Variants in MOB3B observed in about 807,000 individuals in gnomAD.
The protein encoded by MOB3B is MOB kinase activator 3B.
A neutral mutation model predicts 18.7 loss-of-function variants in MOB3B; 7 were observed. That is an observed-to-expected ratio of 0.37 (90% CI 0.21 to 0.70). The LOEUF is 0.70. MOB3B is among the 30% of genes least tolerant of loss of function. The pLI is 0.52. For missense variants in MOB3B, 253 were observed against 281.3 expected, an observed-to-expected ratio of 0.90 and a Z score of 0.72; for synonymous variants, 111 against 99.9, an observed-to-expected ratio of 1.11 and a Z score of -0.66.
intron 1 of MOB3B, among the ~76,000 whole-genome samples, chr9:27,517,354 A>G (rs1820251223): frequency 6.6e-6 from 1 of 152,140 alleles, no homozygotes; most frequent in Admixed American, 6.5e-5. Flanking sequence ...ATACAATTCT[A>G]TCAAGAGGTA....
chr9:27,497,306 T>C (rs181138492), intron 1 of MOB3B, among the ~76,000 whole-genome samples: 26 of 152,334 alleles, frequency 1.7e-4, no homozygotes, highest in East Asian at 7.7e-4. Context: ...TGAATGTCTT[T>C]ATCACAACAT....
chr9:27,474,714 T>A (rs1215813555), intron 1 of MOB3B, among the ~76,000 whole-genome samples: 1 of 152,134 alleles, frequency 6.6e-6, no homozygotes, highest in African/African-American at 2.4e-5. Flanking sequence ...AGCTATAGCC[T>A]CTCCTTCTCA....
intron 1 of MOB3B, among the ~76,000 whole-genome samples, chr9:27,475,394 C>A (rs949137352): frequency 6.6e-6 from 1 of 152,232 alleles, no homozygotes; most frequent in Admixed American, 6.5e-5. Context: ...TGTTTTTAAA[C>A]CACTGCATTG....
At position 27,493,989 on chromosome 9, in the gene MOB3B, C is replaced by A. The variant is rs927806794; in HGVS notation, c.-199+35566G>T. Among the ~76,000 whole-genome samples, 60 of 152,286 alleles carry A rather than the reference C, an allele frequency of 3.9e-4. 1 individual carries two copies. The highest frequency in any genetic ancestry group is 1.4e-3 in the African/African-American group (60 of 41,558). On this transcript the variant is annotated intron_variant, in intron 1 of 3. Coordinates refer to ENST00000262244, the MANE Select transcript of MOB3B (RefSeq NM_024761.5). The stretch of plus-strand genomic sequence containing the variant: ...CTGAATTATTTTTCTCAGCATGGAA[C>A]ATCCCTGGGAAAAAGAATACGCACC...
chr9:27,421,071 A>C (rs1587200689), intron 2 of MOB3B: 1 of 152,650 alleles, frequency 6.6e-6, no homozygotes, highest in Non-Finnish European at 1.5e-5. Flanking sequence ...TTCTCCCTAC[A>C]TGGAAGAGCG....
chr9:27,458,969 TA>T (rs1481278237), intron 1 of MOB3B, among the ~76,000 whole-genome samples: 1 of 151,812 alleles, frequency 6.6e-6, no homozygotes, highest in Non-Finnish European at 1.5e-5. Flanking sequence ...CTTTTGAATC[TA>T]AAATGAAGCT....
At chr9:27,447,497 TG>T (rs1459668738) in intron 2 of MOB3B, among the ~76,000 whole-genome samples, 1 of 152,192 alleles carries the variant, frequency 6.6e-6, no homozygotes, top group East Asian at 1.9e-4. Context: ...GGTGCTGAGA[TG>T]TAACAACTTG....
chr9:27,368,842 C>T (rs897881599), intron 2 of MOB3B, among the ~76,000 whole-genome samples: 25 of 152,292 alleles, frequency 1.6e-4, no homozygotes, highest in African/African-American at 5.3e-4. Flanking sequence ...ATGAGTCCAG[C>T]GTGCCTGCTC....
rs747518152 is a variant in MOB3B at position 27,455,558 on chromosome 9, T to C, written c.-8A>G. On this transcript the variant is annotated 5_prime_UTR_variant, in exon 2 of 4. Transcript: ENST00000262244. ...CTTCAGGGCTATGGACATGGTCTTCTCTTTCGCTTCCTTTCTTTTGCAGGA... is the reference window on the plus strand; with the variant it reads ...CTTCAGGGCTATGGACATGGTCTTCCCTTTCGCTTCCTTTCTTTTGCAGGA... 1.9e-6 allele frequency: 3 copies of C among 1,614,036 alleles called. No homozygotes were observed. Among genetic ancestry groups the C allele is most frequent in the Non-Finnish European group, 2.5e-6 (3 of 1,179,982 alleles).
At chr9:27,524,150 TAAAAAAAAA>T (rs3081119) in intron 1 of MOB3B, among the ~76,000 whole-genome samples, 6 of 90,248 alleles carry the variant, frequency 6.6e-5, no homozygotes, top group African/African-American at 2.6e-4. Flanking sequence ...TCACCCGAAG[TAAAAAAAAA>T]AAAAAAAAAA....
At position 27,400,175 on chromosome 9, in the gene MOB3B, C is replaced by G. The variant is rs1175849617; in HGVS notation, c.419-40939G>C. 1.4e-4 allele frequency among the ~76,000 whole-genome samples: 21 copies of G among 152,234 alleles called. 1 individual carries two copies. Among genetic ancestry groups the G allele is most frequent in the Admixed American group, 1.4e-3 (21 of 15,284 alleles). Reference sequence around the variant, plus strand: ...TATTGTTTGGACATTGTCCACAACACAGTTCCTTGACAAATGAGAATGATA... The same window carrying G: ...TATTGTTTGGACATTGTCCACAACAGAGTTCCTTGACAAATGAGAATGATA... On this transcript the variant is annotated intron_variant, in intron 2 of 3. Transcript: ENST00000262244.
At chr9:27,342,369 G>C (rs866376081) in intron 3 of MOB3B, among the ~76,000 whole-genome samples, 1 of 152,178 alleles carries the variant, frequency 6.6e-6, no homozygotes, top group South Asian at 2.1e-4. Context: ...GTAGAAAAAC[G>C]CTTCTAAAAC....
At chr9:27,369,050 G>A (rs929401948) in intron 2 of MOB3B, among the ~76,000 whole-genome samples, 7 of 152,180 alleles carry the variant, frequency 4.6e-5, no homozygotes, top group Admixed American at 6.5e-5. Flanking sequence ...ACCCTAGACC[G>A]TGTAAACCTG....
At chr9:27,337,064 G>A (rs1194832997) in intron 3 of MOB3B, among the ~76,000 whole-genome samples, 1 of 152,180 alleles carries the variant, frequency 6.6e-6, no homozygotes, top group African/African-American at 2.4e-5. Context: ...CCTGCCGTCA[G>A]CCCCATCTCC....
At chr9:27,520,835 AG>A (rs1170340579) in intron 1 of MOB3B, among the ~76,000 whole-genome samples, 1 of 152,214 alleles carries the variant, frequency 6.6e-6, no homozygotes, top group Non-Finnish European at 1.5e-5. Flanking sequence ...CATGGTGGAT[AG>A]GGTTGTCAGA....
Position 27,455,515 on chromosome 9 carries a change from G to C in MOB3B, c.36C>G (p.Asp12Glu). 6.8e-6 allele frequency: 11 copies of C among 1,614,166 alleles called. No individual in the cohort carries two copies. The highest frequency in any genetic ancestry group is 8.5e-6 in the Non-Finnish European group (10 of 1,180,012). Residue 12 changes from aspartate (D) to glutamate (E), a missense_variant, in exon 2 of 4, where the codon GAC (aspartate) becomes GAG (glutamate). Asp to Glu is a conservative substitution (Grantham distance 45). Transcript: ENST00000262244. The part of the protein sequence containing the change: ...SIALKQVFNK[D>E]KTFRPKRKFE... ...ATTTCCTCTTGGGTCGGAAGGTCTTGTCCTTGTTGAATACCTGCTTCAGGG... is the reference window on the plus strand; with the variant it reads ...ATTTCCTCTTGGGTCGGAAGGTCTTCTCCTTGTTGAATACCTGCTTCAGGG...
chr9:27,461,163 T>G (rs1819281433), intron 1 of MOB3B, among the ~76,000 whole-genome samples: 1 of 152,248 alleles, frequency 6.6e-6, no homozygotes, highest in South Asian at 2.1e-4. Context: ...ATAGCTGGAA[T>G]AGTCCTTGGA....
intron 1 of MOB3B, among the ~76,000 whole-genome samples, chr9:27,479,028 A>G (rs1257857240): frequency 6.6e-6 from 1 of 152,230 alleles, no homozygotes; most frequent in Non-Finnish European, 1.5e-5. Context: ...AAAACCTGTC[A>G]AACTAATATT....
intron 2 of MOB3B, among the ~76,000 whole-genome samples, chr9:27,445,639 C>T (rs555013897): frequency 4.3e-4 from 66 of 152,158 alleles, no homozygotes; most frequent in Non-Finnish European, 6.0e-4. Context: ...TAGGTAAGTC[C>T]GCAATATTTA....
Sources: allele counts gnomAD v4.1 joint callset (sites outside exome capture counted in the v4.1 genomes callset), GRCh38; gene constraint gnomAD v4.1.1; transcripts MANE v1.5; gene names NCBI Gene and HGNC (gene_info 2026-07-23, HGNC 2026-07-21).